NUMA1: variants seen among roughly 807,000 people sequenced by gnomAD.
NUMA1 encodes SP-H antigen.
A neutral mutation model predicts 237.1 loss-of-function variants in NUMA1; 62 were observed. That is an observed-to-expected ratio of 0.26 (90% CI 0.21 to 0.32). NUMA1 has a LOEUF of 0.32. NUMA1 is among the 10% of genes least tolerant of loss of function. NUMA1 has a pLI of 1.00. For missense variants in NUMA1, 2,533 were observed against 2,666.5 expected (o/e 0.95, Z 1.10); for synonymous variants, 1,028 against 1,066.1 (o/e 0.96, Z 0.70).
rs1161700564 is a variant in NUMA1 at position 72,016,533 on chromosome 11, G to A, written c.1120-3C>T. The A allele has an allele frequency of 6.2e-7, 1 of 1,613,498 alleles. No homozygotes were observed. The highest frequency in any genetic ancestry group is 2.2e-5 in the East Asian group (1 of 44,896). On this transcript the variant is annotated splice_region_variant and splice_polypyrimidine_tract_variant and intron_variant, in intron 13 of 26. Transcript: ENST00000393695. ...TCGTTCTTCTCTTCAAGGCATTTCT[G>A]GGAGTAAATGAGACCCATGTGAACA...
rs1218261245 is a variant in NUMA1 at position 72,012,984 on chromosome 11, C to T, written c.4519G>A (p.Val1507Met). 2.5e-6 allele frequency: 4 copies of T among 1,614,170 alleles called. No individual in the cohort carries two copies. The East Asian group carries it at 6.7e-5, about 27-fold the overall frequency. ...GCACCCTCATACTTGGCAGTCATCA[C>T]CTCCAGCTCCCGGGCAGTGCTCTGT... Reference protein sequence around the residue: ...EAQSTARELEVMTAKYEGAKV... With the variant: ...EAQSTARELEMMTAKYEGAKV... Residue 1507 changes from valine (V) to methionine (M), a missense_variant, in exon 15 of 27, where the codon GTG becomes ATG. Around this residue, in one of 3 missense-constraint regions of NUMA1, gnomAD observed 324 missense variants for 407.6 expected, o/e 0.79. Coordinates refer to ENST00000393695, the MANE Select transcript of NUMA1 (RefSeq NM_006185.4).
chr11:72,080,266 A>AAC (rs1944037333), intron 1 of NUMA1, 192 bp downstream of exon 1: 1 of 58,272 alleles, frequency 1.7e-5, no homozygotes. Flanking sequence ...CCTTTAAGGC[A>AAC]CCCCCCCCCC....
At chr11:72,072,528 G>A (rs768626912) in intron 1 of NUMA1, among the ~76,000 whole-genome samples, 1 of 152,216 alleles carries the variant, frequency 6.6e-6, no homozygotes, top group South Asian at 2.1e-4. Context: ...AAGGGCAGGC[G>A]ACACAGCTGC....
At chr11:72,037,521 A>T (rs985782278) in intron 2 of NUMA1, among the ~76,000 whole-genome samples, 4 of 152,216 alleles carry the variant, frequency 2.6e-5, no homozygotes, top group African/African-American at 9.6e-5. Context: ...AAAATAATAA[A>T]AAAAAAGATC....
chr11:72,011,800 C>T (rs766012716), intron 16 of NUMA1, among the ~76,000 whole-genome samples: 8 of 152,130 alleles, frequency 5.3e-5, no homozygotes, highest in African/African-American at 9.7e-5. Flanking sequence ...CCCACTCCCC[C>T]GCCCCCATCT....
chr11:72,024,986 CTCCTGGGTTCAAGCAA>C (rs1939378822), intron 4 of NUMA1: 1 of 152,698 alleles, frequency 6.5e-6, no homozygotes, highest in South Asian at 2.1e-4. Context: ...TAACCTCTGA[CTCCTGGGTTCAAGCAA>C]TCCTCCTGCC....
At position 72,060,196 on chromosome 11, in the gene NUMA1, T is replaced by C. The variant is rs533058821; in HGVS notation, c.-33+9646A>G. Among the ~76,000 whole-genome samples the C allele has an allele frequency of 5.3e-5, 8 of 152,336 alleles. No individual in the cohort carries two copies. The South Asian group carries it at 1.7e-3, about 32-fold the overall frequency. Reference sequence around the variant, plus strand: ...TGGCCTATAAGTTAGCAGCCCATATTTTGTAAATCAGGTTTTACTAAAACG... The same window carrying C: ...TGGCCTATAAGTTAGCAGCCCATATCTTGTAAATCAGGTTTTACTAAAACG... On this transcript the variant is annotated intron_variant, in intron 2 of 26. Coordinates refer to ENST00000393695, the MANE Select transcript of NUMA1 (RefSeq NM_006185.4).
rs373440927 is a variant in NUMA1, at chr11:72,017,835, G to C, written c.979-8C>G. 5.7e-6 allele frequency: 9 copies of C among 1,568,696 alleles called. No homozygotes were observed. The highest frequency in any genetic ancestry group is 8.6e-7 in the Non-Finnish European group (1 of 1,160,370). On this transcript the variant is annotated splice_region_variant and splice_polypyrimidine_tract_variant and intron_variant, in intron 12 of 26. Coordinates refer to ENST00000393695, the MANE Select transcript of NUMA1 (RefSeq NM_006185.4). ...ACTGGCAAACTCCCGCAGCTGAGACGGGCAAGTGAGAATCCCCATCACCCA... is the reference window on the plus strand; with the variant it reads ...ACTGGCAAACTCCCGCAGCTGAGACCGGCAAGTGAGAATCCCCATCACCCA...
chr11:72,005,436 T>A, intron 22 of NUMA1, 67 bp from the exon 23 acceptor site: 4 of 1,523,480 alleles, frequency 2.6e-6, no homozygotes, highest in Non-Finnish European at 3.6e-6. Flanking sequence ...GGCCCTGGCA[T>A]CTTGCCAGCC....
intron 2 of NUMA1, among the ~76,000 whole-genome samples, chr11:72,060,332 G>A (rs1942875514): frequency 6.6e-6 from 1 of 152,122 alleles, no homozygotes; most frequent in Non-Finnish European, 1.5e-5. Context: ...TTACTACTGG[G>A]GTCTAAACAG....
At chr11:72,038,644 C>T (rs752101402) in intron 2 of NUMA1, among the ~76,000 whole-genome samples, 3 of 151,996 alleles carry the variant, frequency 2.0e-5, no homozygotes. Flanking sequence ...TCCTCCCCAC[C>T]CTCCCCCTGA....
Position 72,013,792 on chromosome 11 carries a change from C to T in NUMA1, c.3711G>A (p.Leu1237=), listed in dbSNP as rs754774837. The T allele has an allele frequency of 1.1e-5, 18 of 1,610,294 alleles. No individual in the cohort carries two copies. The highest frequency in any genetic ancestry group is 1.5e-5 in the Non-Finnish European group (18 of 1,180,012). The change falls in exon 15 of 27, where the codon CTG becomes CTA. Residue 1237 remains leucine (L), a synonymous_variant. Transcript: ENST00000393695. The surrounding 1 kb of genome is among the most constrained non-coding windows in gnomAD (Gnocchi z 6.8). ...ISSLEEEVSI[L]NRQVLEKEGE... ...CCTCCTTCTCCAGGACCTGGCGATT[C>T]AGGATGGACACCTCCTCCTCCAAGC...
chr11:72,047,212 G>A (rs1051876963), intron 2 of NUMA1, among the ~76,000 whole-genome samples: 15 of 152,064 alleles, frequency 9.9e-5, no homozygotes, highest in Admixed American at 4.6e-4. Context: ...GCTCATGCCC[G>A]TAATCCCAGA....
intron 2 of NUMA1, among the ~76,000 whole-genome samples, chr11:72,054,631 A>G (rs777813907): frequency 7.9e-5 from 12 of 152,330 alleles, no homozygotes; most frequent in Non-Finnish European, 1.3e-4. Flanking sequence ...CATGAGGCTA[A>G]TAAGTAGCAG....
At chr11:72,018,561 T>A (rs750767764) in intron 10 of NUMA1, 48 bp from the exon 11 acceptor site, 3 of 1,497,938 alleles carry the variant, frequency 2.0e-6, no homozygotes, top group African/African-American at 2.8e-5. Flanking sequence ...ACTATGTGCA[T>A]GAGCGGAACT....
At position 72,003,577 on chromosome 11, in the gene NUMA1, C is replaced by G. The variant is rs372473305; in HGVS notation, c.6337-39G>C. ...AGTCACATGGCCAGATGAGAACTTG[C>G]GATACTAGCCTGCACCCACTGGCTG... On this transcript the variant is annotated intron_variant, in intron 26 of 26. Transcript: ENST00000393695. 8 of 1,613,520 alleles carry G rather than the reference C, an allele frequency of 5.0e-6. No homozygotes were observed. In the African/African-American group the frequency reaches 5.3e-5, roughly 11 times the overall value.
intron 8 of NUMA1, chr11:72,020,911 A>G (rs918149200): frequency 1.1e-5 from 3 of 279,582 alleles, no homozygotes; most frequent in Non-Finnish European, 2.0e-5. Flanking sequence ...CTGTATTCTC[A>G]GCTTCTAAGC....
At position 72,008,848 on chromosome 11, in the gene NUMA1, GAGA is replaced by G. The variant is rs777210059; in HGVS notation, c.5059-6_5059-4del. ...AGCTGCTGGTCTGCATGGGCAACCTGAGAAGGAGAGGGCCAGGGGGAGAGTGAA... is the reference window on the plus strand; with the variant it reads ...AGCTGCTGGTCTGCATGGGCAACCTGAGGAGAGGGCCAGGGGGAGAGTGAA... On this transcript the variant is annotated splice_polypyrimidine_tract_variant and splice_region_variant and intron_variant, in intron 19 of 26. Transcript: ENST00000393695. 8.7e-6 allele frequency: 14 copies of G among 1,614,146 alleles called. No homozygotes were observed. Among genetic ancestry groups the G allele is most frequent in the African/African-American group, 1.3e-5 (1 of 75,044 alleles).
intron 2 of NUMA1, among the ~76,000 whole-genome samples, chr11:72,043,357 CTTTTTTTTTTTT>C (rs35559801): frequency 9.5e-6 from 1 of 105,656 alleles, no homozygotes; most frequent in African/African-American, 3.6e-5. Flanking sequence ...AGGCGGAGTT[CTTTTTTTTTTTT>C]TTTTTTTTTT....
Sources: gnomAD v4.1 joint callset for allele counts (sites outside exome capture counted in the v4.1 genomes callset) on GRCh38, gnomAD v4.1.1 for gene constraint, gnomAD v4.1.1 regional missense constraint, Gnocchi (gnomAD v3.1) non-coding constraint, MANE v1.5 for transcripts, NCBI Gene and HGNC (gene_info 2026-07-23, HGNC 2026-07-21) for gene names.